Variants in RIC1 observed in about 807,000 individuals in gnomAD.
RIC1 encodes RIC1 partner of RAB6A GEF complex, also known as guanine nucleotide exchange factor subunit RIC1.
In RIC1, 88 loss-of-function variants were observed where a neutral mutation model predicts 169.0. The observed-to-expected ratio is 0.52, with a 90% CI of 0.44 to 0.62. The LOEUF (loss-of-function observed/expected upper bound fraction) is 0.62. Ranked by LOEUF, RIC1 falls within the 20% of genes least tolerant of loss-of-function variation. The probability of loss-of-function intolerance (pLI) is 0.00; values close to 1 mark genes in which losing one functional copy is unlikely to be tolerated. For synonymous variants in RIC1, 790 were observed against 601.5 expected (o/e 1.31, Z -4.59); for missense variants, 1,877 against 1,725.5 (o/e 1.09, Z -1.56).
chr9:5,720,274 C>G lies in RIC1; in HGVS notation c.533C>G (p.Ala178Gly), dbSNP rs1235000704. Residue 178 changes from alanine to glycine, a missense_variant, in exon 5 of 26, where the codon GCC becomes GGC. Around this residue, in one of 3 missense-constraint regions of RIC1, gnomAD observed 1,104 missense variants for 992.0 expected, o/e 1.11. Coordinates refer to ENST00000414202, the MANE Select transcript of RIC1 (RefSeq NM_020829.4). The stretch of plus-strand genomic sequence containing the variant: ...GAAGGAATGACAAATGGAAGGAAAG[C>G]CATTAATCTTTGCACAGTACCCTTT... ...HWEGMTNGRK[A>G]INLCTVPFSV... is the part of the protein sequence containing the mutation. The G allele has an allele frequency of 6.2e-7, 1 of 1,613,626 alleles. No individual in the cohort carries two copies. Among genetic ancestry groups the G allele is most frequent in the Non-Finnish European group, 8.5e-7 (1 of 1,179,642 alleles).
chr9:5,712,148 C>T (rs1232151591), intron 3 of RIC1, among the ~76,000 whole-genome samples: 1 of 152,156 alleles, frequency 6.6e-6, no homozygotes, highest in African/African-American at 2.4e-5. Context: ...AAGGAATCGC[C>T]ACACTGTCTT....
chr9:5,680,275 T>A (rs1418861588), intron 2 of RIC1, among the ~76,000 whole-genome samples: 9 of 152,252 alleles, frequency 5.9e-5, no homozygotes, highest in Non-Finnish European at 7.3e-5. Flanking sequence ...GCTTCAATGT[T>A]CATCAAGGAT....
Position 5,715,867 on chromosome 9 carries a change from A to T in RIC1, c.440+1864A>T, listed in dbSNP as rs143558480. Among the ~76,000 whole-genome samples, 814 of 121,208 alleles carry T rather than the reference A, an allele frequency of 6.7e-3. 3 individuals carry two copies. The highest frequency in any genetic ancestry group is 0.01 in the South Asian group (35 of 3,344). 79.5% of individuals were successfully genotyped at this position (121,208 alleles called of 152,430 possible). On this transcript the variant is annotated intron_variant, in intron 4 of 25. Coordinates refer to ENST00000414202, the MANE Select transcript of RIC1 (RefSeq NM_020829.4). ...CCGACAGGGTCTCACCTTGTCACCC[A>T]GGCTGAAGTGCAGTGGCACAATCAC...
chr9:5,693,125 G>C (rs570828196), intron 3 of RIC1, among the ~76,000 whole-genome samples: 1 of 152,164 alleles, frequency 6.6e-6, no homozygotes, highest in South Asian at 2.1e-4. Context: ...GATCTGGAGT[G>C]GTTTCTAATA....
At chr9:5,726,672 G>C (rs1824011531) in intron 6 of RIC1, among the ~76,000 whole-genome samples, 1 of 152,196 alleles carries the variant, frequency 6.6e-6, no homozygotes, top group Non-Finnish European at 1.5e-5. Context: ...AATTTGGCAT[G>C]TTTTTGCAGT....
chr9:5,738,510 A>C lies in RIC1; in HGVS notation c.873A>C (p.Lys291Asn). The C allele has an allele frequency of 6.3e-7, 1 of 1,594,354 alleles. No individual in the cohort carries two copies. Among genetic ancestry groups the C allele is most frequent in the South Asian group, 1.1e-5 (1 of 88,388 alleles). ...CTGGAGCCATGCTGCTATCTCATAA[A>C]TTAGAGCTAACAGCAAAACAGTATC... ...NSTGAMLLSH[K>N]LELTAKQYPD... is the part of the protein sequence containing the mutation. The change falls in exon 8 of 26, where the codon AAA (lysine) becomes AAC (asparagine). Residue 291 changes from lysine (K) to asparagine (N), a missense_variant. Transcript: ENST00000414202.
rs1443458532 is a variant in RIC1 at position 5,753,653 on chromosome 9, C to G, written c.1602+7C>G. On this transcript the variant is annotated splice_region_variant and intron_variant, in intron 14 of 25. Transcript: ENST00000414202. ...TTTTGGAAACATTACCCAGGTTAGT[C>G]TTTTTTGAGATTAAAAACCTATTTC... 7.0e-7 allele frequency: 1 copy of G among 1,429,948 alleles called. No homozygotes were observed. The highest frequency in any genetic ancestry group is 1.2e-5 in the South Asian group (1 of 82,306). The allele number at this position is 1,429,948 out of a possible 1,614,324, so 88.6% of individuals were successfully genotyped here.
In RIC1 at chr9:5,772,969, CAAT is replaced by C; in HGVS notation, c.3876_3878del (p.Ile1293del). The stretch of plus-strand genomic sequence containing the variant: ...ATAGGCCTGATTCTTAGAGAATCCT[CAAT>C]AATCAATCAGATTTTGGTTATTACA... On this transcript the variant is annotated inframe_deletion, in exon 25 of 26. Coordinates refer to ENST00000414202, the MANE Select transcript of RIC1 (RefSeq NM_020829.4). The C allele has an allele frequency of 6.2e-7, 1 of 1,612,990 alleles. No homozygotes were observed. Among genetic ancestry groups the C allele is most frequent in the Non-Finnish European group, 8.5e-7 (1 of 1,179,186 alleles).
At chr9:5,675,491 T>C (rs1272541591) in intron 2 of RIC1, among the ~76,000 whole-genome samples, 2 of 152,184 alleles carry the variant, frequency 1.3e-5, no homozygotes, top group East Asian at 1.9e-4. Context: ...AGATTTTCAG[T>C]GGCCAAAAAT....
chr9:5,743,752 T>C lies in RIC1; in HGVS notation c.1095+15T>C. On this transcript the variant is annotated intron_variant, in intron 10 of 25. Transcript: ENST00000414202. Reference sequence around the variant, plus strand: ...TCAACTCTATGGTAAGTACTTTCTATAAAAAATTGGCATGGTATTAAAAAA... The same window carrying C: ...TCAACTCTATGGTAAGTACTTTCTACAAAAAATTGGCATGGTATTAAAAAA... 1 of 1,587,036 alleles carries C rather than the reference T, an allele frequency of 6.3e-7. No individual in the cohort carries two copies. Among genetic ancestry groups the C allele is most frequent in the Non-Finnish European group, 8.6e-7 (1 of 1,162,092 alleles).
At chr9:5,749,272 T>C (rs191473334) in intron 12 of RIC1, among the ~76,000 whole-genome samples, 143 of 152,352 alleles carry the variant, frequency 9.4e-4, no homozygotes, top group African/African-American at 3.3e-3. Flanking sequence ...TTCGCCTATT[T>C]GGCAGTTTGT....
intron 1 of RIC1, among the ~76,000 whole-genome samples, chr9:5,644,757 A>G (rs917001219): frequency 2.6e-5 from 4 of 152,210 alleles, no homozygotes; most frequent in African/African-American, 9.7e-5. Flanking sequence ...GTGTGGATAA[A>G]TGTTACTCTT....
chr9:5,763,525 G>A lies in RIC1; in HGVS notation c.2498G>A (p.Arg833His), dbSNP rs761558922. 4.3e-6 allele frequency: 7 copies of A among 1,614,044 alleles called. No homozygotes were observed. The highest frequency in any genetic ancestry group is 1.6e-4 in the Middle Eastern group (1 of 6,062). Residue 833 changes from arginine (R) to histidine (H), a missense_variant, in exon 19 of 26, where the codon CGT becomes CAT. Around this residue, in one of 3 missense-constraint regions of RIC1, gnomAD observed 92 missense variants for 151.5 expected, o/e 0.61. Transcript: ENST00000414202. The surrounding 1 kb of genome is among the most constrained non-coding windows in gnomAD (Gnocchi z 5.2). ...CAGATCTACCTCCACCACATTCTAC[G>A]TCAACTTCTGGTCAGAAACCTTGGG... is the stretch of plus-strand genomic sequence containing the variant. Reference protein sequence around the residue: ...TSQIYLHHILRQLLVRNLGEQ... With the variant: ...TSQIYLHHILHQLLVRNLGEQ...
chr9:5,753,510 A>T, intron 13 of RIC1, 26 bp from the exon 14 acceptor site: 1 of 1,415,600 alleles, frequency 7.1e-7, no homozygotes. Flanking sequence ...TTGCAAGGAA[A>T]AGTTCTTATT....
At chr9:5,672,902 A>G (rs145652366) in intron 2 of RIC1, among the ~76,000 whole-genome samples, 36 of 152,346 alleles carry the variant, frequency 2.4e-4, no homozygotes, top group African/African-American at 8.4e-4. Context: ...GGAACATTAG[A>G]ACAACATCTC....
At chr9:5,756,585 T>C (rs1249861206) in intron 16 of RIC1, among the ~76,000 whole-genome samples, 1 of 152,188 alleles carries the variant, frequency 6.6e-6, no homozygotes, top group Non-Finnish European at 1.5e-5. Flanking sequence ...CTTATCTTCC[T>C]GGAGTCATTT....
intron 3 of RIC1, among the ~76,000 whole-genome samples, chr9:5,698,987 C>A (rs1017745652): frequency 6.6e-6 from 1 of 152,152 alleles, no homozygotes; most frequent in Admixed American, 6.5e-5. Context: ...AAGCAAGTCT[C>A]AGATTGAGTC....
intron 17 of RIC1, among the ~76,000 whole-genome samples, chr9:5,758,539 G>T (rs1214286829): frequency 6.6e-6 from 1 of 152,062 alleles, no homozygotes; most frequent in Non-Finnish European, 1.5e-5. Context: ...AGAAGACATT[G>T]TAAAAGCTAG....
chr9:5,681,385 A>C (rs1194942232), intron 2 of RIC1, among the ~76,000 whole-genome samples: 1 of 152,090 alleles, frequency 6.6e-6, no homozygotes, highest in Non-Finnish European at 1.5e-5. Context: ...TTGGTTTCAA[A>C]GAACATCTTT....
Sources: gnomAD v4.1 joint callset for allele counts (sites outside exome capture counted in the v4.1 genomes callset) on GRCh38, gnomAD v4.1.1 for gene constraint, gnomAD v4.1.1 regional missense constraint, Gnocchi (gnomAD v3.1) non-coding constraint, MANE v1.5 for transcripts, NCBI Gene and HGNC (gene_info 2026-07-23, HGNC 2026-07-21) for gene names.